Variants in SPANXN4 observed in about 807,000 individuals in gnomAD.
The protein encoded by SPANXN4 is sperm protein associated with the nucleus on the X chromosome N4.
In SPANXN4, 5 loss-of-function variants were observed where a neutral mutation model predicts 6.0. The ratio of observed to expected loss-of-function variants is 0.83; its 90% CI spans 0.44 to 1.75. The LOEUF (loss-of-function observed/expected upper bound fraction) is 1.75. SPANXN4 is among the 40% of genes most tolerant of loss of function. The pLI, the probability that SPANXN4 is intolerant of heterozygous loss-of-function variation, is 0.02. For missense variants in SPANXN4, 157 were observed against 108.6 expected (o/e 1.45, Z -1.98); for synonymous variants, 45 against 38.0 (o/e 1.19, Z -0.68).
At chrX:143,034,308 C>A (rs1932831529) in intron 2 of SPANXN4, 3 of 1,074,921 alleles carry the variant, frequency 2.8e-6, no homozygotes, top group Non-Finnish European at 3.7e-6. Context: ...GTTTGAGGAG[C>A]TGATGACTGT....
chrX:143,038,561 G>A (rs4515670), downstream of SPANXN4, among the ~76,000 whole-genome samples: 35,633 of 109,976 alleles, frequency 0.32, 4,248 homozygotes, highest in Admixed American at 0.41. Flanking sequence ...AACATATTTT[G>A]CTTTCTTCTT....
intron 1 of SPANXN4, among the ~76,000 whole-genome samples, chrX:143,027,791 A>T (rs964212017): frequency 1.8e-5 from 2 of 109,800 alleles, no homozygotes; most frequent in Admixed American, 9.8e-5. Context: ...AAGGGGGCTC[A>T]ACTGTTAGAG....
downstream of SPANXN4, among the ~76,000 whole-genome samples, chrX:143,036,951 T>A (rs1932846593): frequency 9.0e-6 from 1 of 111,387 alleles, no homozygotes; most frequent in Non-Finnish European, 1.9e-5. Context: ...CTGCACTCTT[T>A]TAGCTTTAAA....
chrX:143,032,532 G>T (rs142111150), intron 1 of SPANXN4, among the ~76,000 whole-genome samples: 1 of 110,830 alleles, frequency 9.0e-6, no homozygotes, highest in African/African-American at 3.3e-5. Flanking sequence ...TTGTCCTGAG[G>T]AGGAGGCATT....
chrX:143,034,483 T>A, intron 2 of SPANXN4, 172 bp downstream of exon 2: 1 of 1,123,682 alleles, frequency 8.9e-7, no homozygotes, highest in East Asian at 3.3e-5. Flanking sequence ...GGAGACAAAT[T>A]TTCTTCTTAA....
intron 1 of SPANXN4, 147 bp from the exon 2 acceptor site, chrX:143,033,878 C>A (rs1038741184): frequency 1.3e-4 from 67 of 516,439 alleles, no homozygotes; most frequent in Non-Finnish European, 1.8e-4. Context: ...CCCATAGATC[C>A]CTACCCTATG....
At chrX:143,035,075 CAAAAA>C (rs780134042), downstream of SPANXN4, among the ~76,000 whole-genome samples, 1 of 39,106 alleles carries the variant, frequency 2.6e-5, no homozygotes. Context: ...GACTCTGTCT[CAAAAA>C]AAAAAAAAAA....
intron 1 of SPANXN4, among the ~76,000 whole-genome samples, chrX:143,031,872 G>A (rs919902882): frequency 2.7e-5 from 3 of 111,521 alleles, no homozygotes; most frequent in African/African-American, 9.8e-5. Flanking sequence ...ATTGGTATCA[G>A]GGCTTTTGAA....
chrX:143,032,742 T>A (rs1468039145), intron 1 of SPANXN4, among the ~76,000 whole-genome samples: 2 of 111,337 alleles, frequency 1.8e-5, no homozygotes, highest in African/African-American at 6.6e-5. Flanking sequence ...CTGAAGGGAA[T>A]GAGTATCTCC....
At chrX:143,037,880 A>G (rs5908516), downstream of SPANXN4, among the ~76,000 whole-genome samples, 35,749 of 109,829 alleles carry the variant, frequency 0.33, 4,324 homozygotes, top group Admixed American at 0.41. Context: ...CTTCCATCAT[A>G]ATTCTAAGTT....
chrX:143,028,604 A>G (rs2124363513), intron 1 of SPANXN4, among the ~76,000 whole-genome samples: 1 of 111,150 alleles, frequency 9.0e-6, no homozygotes, highest in East Asian at 2.9e-4. Flanking sequence ...ACCTGTGGAT[A>G]ATATGAGTGA....
downstream of SPANXN4, among the ~76,000 whole-genome samples, chrX:143,038,148 C>T (rs1932852369): frequency 8.9e-6 from 1 of 111,955 alleles, no homozygotes; most frequent in Non-Finnish European, 1.9e-5. Context: ...ACTACTTACA[C>T]TCTGATCTCT....
downstream of SPANXN4, among the ~76,000 whole-genome samples, chrX:143,036,348 C>T (rs773792058): frequency 9.0e-5 from 10 of 111,043 alleles, no homozygotes; most frequent in Non-Finnish European, 1.5e-4. Flanking sequence ...CACAGATCCT[C>T]ACACAGAATT....
At chrX:143,033,952 C>T (rs1252377263) in intron 1 of SPANXN4, 73 bp from the exon 2 acceptor site, 14 of 955,345 alleles carry the variant, frequency 1.5e-5, no homozygotes, top group Non-Finnish European at 2.0e-5. Flanking sequence ...TTATAAAGCC[C>T]CCCTTGCTAT....
rs950378398 is a variant in SPANXN4, at chrX:143,026,226, C to A, written c.78+134C>A. On this transcript the variant is annotated intron_variant, in intron 1 of 2. Coordinates refer to ENST00000370504, the Ensembl canonical transcript of SPANXN4. The stretch of plus-strand genomic sequence containing the variant: ...GGGCCAGCTTCATGCCAGAGCCCAC[C>A]GCTACATACAGGCCAGCGTACTTAT... 307 of 526,032 alleles carry A rather than the reference C, an allele frequency of 5.8e-4. 1 individual carries two copies. The African/African-American group carries it at 6.6e-3, about 11-fold the overall frequency. The allele number at this position is 526,032 out of a possible 1,213,427, so 43.4% of individuals were successfully genotyped here. A position where few individuals can be genotyped will look rare whatever the true frequency, so the allele number is the denominator to read the frequency against.
rs192490623 is a variant in SPANXN4 at position 143,034,033 on chromosome X, G to A, written c.84G>A (p.Lys28=). ...CCCTGTTTTTTTACCAGAAGAAGAAGAATCTGCACAGAGCCTCAGCCCCTG... is the reference window on the plus strand; with the variant it reads ...CCCTGTTTTTTTACCAGAAGAAGAAAAATCTGCACAGAGCCTCAGCCCCTG... The change falls in exon 2 of 3, where the codon AAG becomes AAA. Residue 28 remains lysine, a synonymous_variant. Transcript: ENST00000370504. The A allele has an allele frequency of 2.7e-3, 3,151 of 1,165,093 alleles. 14 individuals carry two copies. The highest frequency in any genetic ancestry group is 4.6e-3 in the South Asian group (236 of 51,419).
intron 1 of SPANXN4, among the ~76,000 whole-genome samples, chrX:143,028,318 G>A (rs1189044368): frequency 1.8e-5 from 2 of 110,845 alleles, no homozygotes; most frequent in Non-Finnish European, 3.8e-5. Flanking sequence ...AGTGTTTTGA[G>A]GATGGACTTT....
chrX:143,025,929 A>G, upstream of SPANXN4: 1 of 949,119 alleles, frequency 1.1e-6, no homozygotes, highest in Non-Finnish European at 1.5e-6. Context: ...AAGCTCTGGG[A>G]CAGCCCACTG....
At chrX:143,031,151 A>G (rs1227348645) in intron 1 of SPANXN4, among the ~76,000 whole-genome samples, 1 of 110,638 alleles carries the variant, frequency 9.0e-6, no homozygotes, top group Non-Finnish European at 1.9e-5. Context: ...CCACCCCAAG[A>G]TAGGGGTAGG....
Sources: allele counts gnomAD v4.1 joint callset (sites outside exome capture counted in the v4.1 genomes callset), GRCh38; gene constraint gnomAD v4.1.1; transcripts MANE v1.5; gene names NCBI Gene and HGNC (gene_info 2026-07-23, HGNC 2026-07-21).